Variants in FAM228B observed in about 807,000 individuals in gnomAD.
FAM228B encodes the protein family with sequence similarity 228 member B.
In FAM228B, 38 loss-of-function variants were observed where a neutral mutation model predicts 42.6. The ratio of observed to expected loss-of-function variants is 0.89; its 90% CI spans 0.69 to 1.17. The LOEUF is 1.17. Among genes scored for constraint, FAM228B ranks in the 50% most tolerant of loss-of-function variants. The pLI is 0.00. For missense variants in FAM228B, 344 were observed against 367.3 expected, an observed-to-expected ratio of 0.94 and a Z score of 0.52; for synonymous variants, 109 against 122.3, an observed-to-expected ratio of 0.89 and a Z score of 0.72.
At chr2:24,094,505 G>C (rs1253761541) in intron 2 of FAM228B, among the ~76,000 whole-genome samples, 1 of 152,106 alleles carries the variant, frequency 6.6e-6, no homozygotes, top group Non-Finnish European at 1.5e-5. Flanking sequence ...CCTCCCGAGA[G>C]ACAGAGTCTT....
chr2:24,135,111 C>A lies in FAM228B; in HGVS notation c.100-8C>A. ...TTTTCTTTTCAAAGTTTAATTCTGTCCTTTCAGGTTTTAGCTAAAGAAGAT... is the reference window on the plus strand; with the variant it reads ...TTTTCTTTTCAAAGTTTAATTCTGTACTTTCAGGTTTTAGCTAAAGAAGAT... On this transcript the variant is annotated splice_polypyrimidine_tract_variant and splice_region_variant and intron_variant, in intron 2 of 10. Coordinates refer to ENST00000615575, the MANE Select transcript of FAM228B (RefSeq NM_001145710.2). The A allele has an allele frequency of 6.8e-7, 1 of 1,467,016 alleles. No homozygotes were observed. Among genetic ancestry groups the A allele is most frequent in the Non-Finnish European group, 9.3e-7 (1 of 1,081,018 alleles). The allele number at this position is 1,467,016 out of a possible 1,614,324, so 90.9% of individuals were successfully genotyped here. A position where few individuals can be genotyped will look rare whatever the true frequency, so the allele number is the denominator to read the frequency against.
At chr2:24,138,144 T>C (rs780605747) in intron 4 of FAM228B, 44 bp downstream of exon 4, 2 of 1,380,174 alleles carry the variant, frequency 1.4e-6, no homozygotes, top group South Asian at 2.7e-5. Context: ...GATTTAGACC[T>C]AATGTCATCT....
chr2:24,112,221 AG>A (rs1274537295), intron 3 of FAM228B, among the ~76,000 whole-genome samples: 14 of 152,234 alleles, frequency 9.2e-5, no homozygotes, highest in African/African-American at 3.4e-4. Context: ...AGGCTAGGTA[AG>A]GTTAAAATGT....
chr2:24,081,379 C>T (rs1181464975), intron 2 of FAM228B, among the ~76,000 whole-genome samples: 7 of 151,902 alleles, frequency 4.6e-5, no homozygotes, highest in Admixed American at 4.6e-4. Context: ...TGACCTACAC[C>T]TGAATAAGTA....
At chr2:24,165,409 C>G (rs1177115312) in intron 9 of FAM228B, 4 of 471,034 alleles carry the variant, frequency 8.5e-6, no homozygotes, top group Non-Finnish European at 1.8e-5. Context: ...CCTCCAACTC[C>G]TAGTACCAGC....
chr2:24,137,058 C>G (rs1350488490), intron 3 of FAM228B, among the ~76,000 whole-genome samples: 3 of 152,188 alleles, frequency 2.0e-5, no homozygotes, highest in Non-Finnish European at 4.4e-5. Context: ...TTCACTTTGG[C>G]ATACTCTTTT....
At chr2:24,104,941 C>G (rs1271274370) in intron 3 of FAM228B, among the ~76,000 whole-genome samples, 2 of 151,988 alleles carry the variant, frequency 1.3e-5, no homozygotes, top group Admixed American at 1.3e-4. Context: ...AGAAGGCATT[C>G]CCACCAACAC....
chr2:24,169,356 G>T lies in FAM228B; in HGVS notation c.*15G>T, dbSNP rs1373248036. On this transcript the variant is annotated splice_region_variant and 3_prime_UTR_variant, in exon 11 of 11. Coordinates refer to ENST00000615575, the MANE Select transcript of FAM228B (RefSeq NM_001145710.2). The surrounding 1 kb of genome is among the most constrained non-coding windows in gnomAD (Gnocchi z 4.2). ...TCTTCCCTTTTGTCACCTTCAAAAG[G>T]TTTCAGCAACCAAGGAGCACACACC... The T allele has an allele frequency of 2.1e-6, 1 of 467,694 alleles. No homozygotes were observed. Among genetic ancestry groups the T allele is most frequent in the African/African-American group, 2.0e-5 (1 of 50,024 alleles). The allele number at this position is 467,694 out of a possible 1,614,324, so 29.0% of individuals were successfully genotyped here. A position where few individuals can be genotyped will look rare whatever the true frequency, so the allele number is the denominator to read the frequency against.
At chr2:24,114,392 A>G (rs1224464327) in intron 3 of FAM228B, among the ~76,000 whole-genome samples, 17 of 152,024 alleles carry the variant, frequency 1.1e-4, no homozygotes, top group Admixed American at 1.0e-3. Flanking sequence ...TTTTTCTCCA[A>G]TCGTGCCCTA....
rs892745562 is a variant in FAM228B at position 24,169,482 on chromosome 2, A to G, written c.*141A>G. On this transcript the variant is annotated 3_prime_UTR_variant, in exon 11 of 11. Coordinates refer to ENST00000615575, the MANE Select transcript of FAM228B (RefSeq NM_001145710.2). The surrounding 1 kb of genome is among the most constrained non-coding windows in gnomAD (Gnocchi z 4.2). ...TGAAGGCCAAGGACGGCACTCAAGA[A>G]TTGTCCTGTCTCTAAAAAAAAAGCA... is the stretch of plus-strand genomic sequence containing the variant. 8 of 351,882 alleles carry G rather than the reference A, an allele frequency of 2.3e-5. No homozygotes were observed. The highest frequency in any genetic ancestry group is 1.7e-4 in the South Asian group (8 of 46,768). 21.8% of individuals were successfully genotyped at this position (351,882 alleles called of 1,614,324 possible). A position where few individuals can be genotyped will look rare whatever the true frequency, so the allele number is the denominator to read the frequency against.
chr2:24,140,051 G>GT (rs1558387458), intron 5 of FAM228B, among the ~76,000 whole-genome samples: 2 of 152,186 alleles, frequency 1.3e-5, no homozygotes, highest in South Asian at 2.1e-4. Flanking sequence ...AAGTCTTAGG[G>GT]TTTTTTTCAC....
At chr2:24,088,200 A>T (rs903259525) in intron 2 of FAM228B, among the ~76,000 whole-genome samples, 1 of 150,712 alleles carries the variant, frequency 6.6e-6, no homozygotes, top group Admixed American at 6.6e-5. Context: ...GAACAAAGAA[A>T]TGTGGTGAGC....
chr2:24,120,056 G>A (rs6723300), upstream of FAM228B, among the ~76,000 whole-genome samples: 1,620 of 152,210 alleles, frequency 0.011, 7 homozygotes, highest in South Asian at 0.017. Context: ...ATCACCTGAG[G>A]TTGGAAGTTT....
chr2:24,113,779 A>T (rs1665839813), intron 3 of FAM228B, among the ~76,000 whole-genome samples: 2 of 152,118 alleles, frequency 1.3e-5, no homozygotes, highest in Non-Finnish European at 2.9e-5. Flanking sequence ...TGGGGGGCTG[A>T]GGCAGGAGAT....
At chr2:24,105,122 C>T (rs1558372046) in intron 3 of FAM228B, among the ~76,000 whole-genome samples, 1 of 152,252 alleles carries the variant, frequency 6.6e-6, no homozygotes, top group Non-Finnish European at 1.5e-5. Context: ...GGGCCACACC[C>T]AGTAGTTTCC....
At chr2:24,148,343 C>T (rs541049723) in intron 7 of FAM228B, among the ~76,000 whole-genome samples, 119 of 152,266 alleles carry the variant, frequency 7.8e-4, no homozygotes, top group African/African-American at 2.2e-3. Flanking sequence ...TTCTAGTGGA[C>T]GCAGAGGAAT....
rs373925175 is a variant in FAM228B, at chr2:24,154,684, G to T, written c.687-6822G>T. 1.0e-3 allele frequency among the ~76,000 whole-genome samples: 157 copies of T among 152,308 alleles called. 6 individuals carry two copies. In the South Asian group the frequency reaches 0.032, roughly 31 times the overall value. Reference sequence around the variant, plus strand: ...TCATGTTCTACCAAAGGCGAAGCAGGTTTTGTGTCCTGCCTCTCGTGGGAG... The same window carrying T: ...TCATGTTCTACCAAAGGCGAAGCAGTTTTTGTGTCCTGCCTCTCGTGGGAG... On this transcript the variant is annotated intron_variant, in intron 7 of 10. Transcript: ENST00000615575.
chr2:24,116,592 C>T (rs1052951220), intron 3 of FAM228B, among the ~76,000 whole-genome samples: 1 of 151,942 alleles, frequency 6.6e-6, no homozygotes, highest in Admixed American at 6.6e-5. Context: ...CAGTGGCTCA[C>T]GCCTATAATC....
At chr2:24,163,906 A>G (rs1667337684) in intron 8 of FAM228B, among the ~76,000 whole-genome samples, 1 of 152,196 alleles carries the variant, frequency 6.6e-6, no homozygotes, top group African/African-American at 2.4e-5. Context: ...TGGCAGAGTT[A>G]GACCTTCTCA....
Sources: gnomAD v4.1 joint callset for allele counts (sites outside exome capture counted in the v4.1 genomes callset) on GRCh38, gnomAD v4.1.1 for gene constraint, Gnocchi (gnomAD v3.1) non-coding constraint, MANE v1.5 for transcripts, NCBI Gene and HGNC (gene_info 2026-07-23, HGNC 2026-07-21) for gene names.